The following TMPRSS11A variants were observed in gnomAD, a reference collection of about 807,000 sequenced individuals.
TMPRSS11A encodes transmembrane protease serine 11A.
A neutral mutation model predicts 58.9 loss-of-function variants in TMPRSS11A; 53 were observed. The observed-to-expected ratio is 0.90, with a 90% CI of 0.72 to 1.13. TMPRSS11A has a LOEUF of 1.13. Ranked by LOEUF, TMPRSS11A falls within the 50% of genes most tolerant of loss-of-function variation. The probability of loss-of-function intolerance (pLI) is 0.00; values close to 1 mark genes in which losing one functional copy is unlikely to be tolerated. For synonymous variants in TMPRSS11A, 167 were observed against 169.8 expected (o/e 0.98, Z 0.13); for missense variants, 493 against 499.3 (o/e 0.99, Z 0.12).
chr4:67,911,456 C>A lies in TMPRSS11A; in HGVS notation c.1143G>T (p.Trp381Cys), dbSNP rs148638761. The A allele has an allele frequency of 3.1e-6, 5 of 1,613,216 alleles. No individual in the cohort carries two copies. In the African/African-American group the frequency reaches 6.7e-5, roughly 22 times the overall value. The part of the protein sequence containing the change: ...PLVTRDLKDT[W>C]YLIGIVSWGD... ...CCCAGCTTACAATTCCAATGAGATA[C>A]CACGTATCTTTCAGATCCCTTGTGA... The change falls in exon 10 of 10, where the codon TGG becomes TGT. Residue 381 changes from tryptophan (W) to cysteine (C), a missense_variant. Transcript: ENST00000508048.
At chr4:67,944,744 A>G (rs1720961904) in intron 2 of TMPRSS11A, 107 bp from the exon 3 acceptor site, 1 of 839,114 alleles carries the variant, frequency 1.2e-6, no homozygotes, top group Admixed American at 2.9e-5. Context: ...GAGCCTCTTC[A>G]TAATTGAGTT....
intron 5 of TMPRSS11A, among the ~76,000 whole-genome samples, chr4:67,929,121 C>T (rs1720546634): frequency 6.6e-6 from 1 of 152,154 alleles, no homozygotes; most frequent in African/African-American, 2.4e-5. Flanking sequence ...TGATTCTTAG[C>T]TCCTTTTAAT....
intron 1 of TMPRSS11A, among the ~76,000 whole-genome samples, chr4:67,954,506 C>T (rs1020345970): frequency 6.6e-6 from 1 of 152,210 alleles, no homozygotes; most frequent in Non-Finnish European, 1.5e-5. Flanking sequence ...GTTAAAGGTC[C>T]CTCTCTAGCT....
intron 7 of TMPRSS11A, among the ~76,000 whole-genome samples, chr4:67,922,536 T>A (rs780544935): frequency 3.9e-5 from 6 of 152,228 alleles, no homozygotes; most frequent in Non-Finnish European, 5.9e-5. Context: ...TTAAAAACTT[T>A]GAGGAAATGA....
intron 2 of TMPRSS11A, 126 bp downstream of exon 2, chr4:67,946,324 A>C: frequency 2.1e-6 from 2 of 933,182 alleles, no homozygotes; most frequent in Admixed American, 3.3e-5. Flanking sequence ...GAAACAGTTA[A>C]ATATACTCTG....
chr4:67,942,888 A>C (rs961876716), intron 3 of TMPRSS11A, among the ~76,000 whole-genome samples: 4 of 152,352 alleles, frequency 2.6e-5, no homozygotes, highest in African/African-American at 9.6e-5. Flanking sequence ...TCTTTTAAAA[A>C]GTTCTCAGTA....
At chr4:67,917,041 A>G (rs894403256) in intron 8 of TMPRSS11A, among the ~76,000 whole-genome samples, 1 of 152,202 alleles carries the variant, frequency 6.6e-6, no homozygotes, top group East Asian at 1.9e-4. Context: ...AAAATGCTTA[A>G]TGACATTTCT....
chr4:67,909,709 G>T lies in TMPRSS11A; in HGVS notation c.*1633C>A, dbSNP rs1719917184. The T allele has an allele frequency of 6.6e-6, 1 of 152,002 alleles. No homozygotes were observed. The highest frequency in any genetic ancestry group is 1.5e-5 in the Non-Finnish European group (1 of 67,958). The allele number at this position is 152,002 out of a possible 1,614,324, so 9.4% of individuals were successfully genotyped here. A position where few individuals can be genotyped will look rare whatever the true frequency, so the allele number is the denominator to read the frequency against. On this transcript the variant is annotated 3_prime_UTR_variant, in exon 10 of 10. Transcript: ENST00000508048. ...TTAAGAGTTTTCTATCTTAATACAG[G>T]TTCAATAGCTCTCACTTAAAATTTT...
At position 67,929,922 on chromosome 4, in the gene TMPRSS11A, A is replaced by G; in HGVS notation, c.439T>C (p.Leu147=). The G allele has an allele frequency of 6.2e-7, 1 of 1,613,622 alleles. No individual in the cohort carries two copies. Among genetic ancestry groups the G allele is most frequent in the Non-Finnish European group, 8.5e-7 (1 of 1,179,678 alleles). The change falls in exon 5 of 10, where the codon TTA becomes CTA. Residue 147 remains leucine, a synonymous_variant. Transcript: ENST00000508048. ...GAGGCATTTATTGGCAAGGCTCTTA[A>G]ATTCCTTATCTTCTGATTTAAGATG... ...QSILNQKIRN[L]RALPINASSV...
rs1373866574 is a variant in TMPRSS11A at position 67,944,622 on chromosome 4, T to C, written c.149A>G (p.Tyr50Cys). Residue 50 changes from tyrosine (Y) to cysteine (C), a missense_variant, in exon 3 of 10, where the codon TAC becomes TGC. Tyr to Cys is a radical substitution (Grantham distance 194). Transcript: ENST00000508048. ...TAAAATTTTAAAGGAGCCATGATAG[T>C]ACTCCTTTTTTTGGTCTGCAATGGA... ...HFLVFDQKKEYYHGSFKILDP... is the reference protein window; with the variant it reads ...HFLVFDQKKECYHGSFKILDP... 1.2e-6 allele frequency: 2 copies of C among 1,611,472 alleles called. No homozygotes were observed. Among genetic ancestry groups the C allele is most frequent in the African/African-American group, 1.3e-5 (1 of 74,826 alleles).
chr4:67,958,577 A>C (rs1721346321), intron 1 of TMPRSS11A, among the ~76,000 whole-genome samples: 1 of 152,158 alleles, frequency 6.6e-6, no homozygotes, highest in Non-Finnish European at 1.5e-5. Context: ...CTAGGAAGTA[A>C]CTAACTTACT....
chr4:67,924,238 C>T, intron 5 of TMPRSS11A, 72 bp from the exon 6 acceptor site: 2 of 1,250,178 alleles, frequency 1.6e-6, no homozygotes, highest in Non-Finnish European at 2.3e-6. Context: ...CAGGAATAAT[C>T]AGAGGATACT....
chr4:67,944,664 C>G (rs763792387), intron 2 of TMPRSS11A, 27 bp from the exon 3 acceptor site: 1 of 1,600,740 alleles, frequency 6.2e-7, no homozygotes, highest in East Asian at 2.2e-5. Flanking sequence ...AAATAGGAAA[C>G]TAAATGGTTT....
intron 1 of TMPRSS11A, among the ~76,000 whole-genome samples, chr4:67,955,940 G>C (rs1014172011): frequency 1.3e-5 from 2 of 152,168 alleles, no homozygotes; most frequent in South Asian, 2.1e-4. Flanking sequence ...TTTTAAAAAA[G>C]AGGTCTTCTA....
intron 4 of TMPRSS11A, among the ~76,000 whole-genome samples, chr4:67,930,798 G>T (rs1053632859): frequency 3.0e-4 from 20 of 67,018 alleles, no homozygotes; most frequent in Admixed American, 1.3e-3. Flanking sequence ...ATATTGATCT[G>T]TTATCTCTCC....
chr4:67,940,187 G>T (rs1376351881), intron 3 of TMPRSS11A, among the ~76,000 whole-genome samples: 1 of 152,122 alleles, frequency 6.6e-6, no homozygotes, highest in East Asian at 1.9e-4. Flanking sequence ...ATATTGGCCT[G>T]TAATTTTCTT....
intron 4 of TMPRSS11A, 122 bp downstream of exon 4, chr4:67,931,871 G>A (rs1401223689): frequency 1.6e-6 from 1 of 641,784 alleles, no homozygotes; most frequent in Admixed American, 2.4e-5. Context: ...TAAAGGTAAT[G>A]TTTATGAAAA....
intron 7 of TMPRSS11A, among the ~76,000 whole-genome samples, chr4:67,920,302 C>A (rs1167726394): frequency 6.6e-6 from 1 of 152,032 alleles, no homozygotes; most frequent in Non-Finnish European, 1.5e-5. Flanking sequence ...TCTCTCTGCT[C>A]TTCCCTTTAT....
rs564457391 is a variant in TMPRSS11A at position 67,921,782 on chromosome 4, A to T, written c.692+973T>A. Among the ~76,000 whole-genome samples, 27 of 152,334 alleles carry T rather than the reference A, an allele frequency of 1.8e-4. No individual in the cohort carries two copies. In the East Asian group the frequency reaches 5.0e-3, roughly 28 times the overall value. ...TACACTAAGGTTCAATAATTTGCCC[A>T]GCTCTCCAACTGCCTGGGACATATT... On this transcript the variant is annotated intron_variant, in intron 7 of 9. Transcript: ENST00000508048.
Sources: gnomAD v4.1 joint callset for allele counts (sites outside exome capture counted in the v4.1 genomes callset) on GRCh38, gnomAD v4.1.1 for gene constraint, MANE v1.5 for transcripts, NCBI Gene and HGNC (gene_info 2026-07-23, HGNC 2026-07-21) for gene names.